The following PLD5 variants were observed in gnomAD, a reference collection of about 807,000 sequenced individuals.
PLD5 encodes inactive phospholipase D5.
PLD5 carries 36 observed loss-of-function variants against 61.1 expected under a neutral mutation model. The ratio of observed to expected loss-of-function variants is 0.59; its 90% CI spans 0.45 to 0.78. The LOEUF is 0.78. Ranked by LOEUF, PLD5 falls within the 30% of genes least tolerant of loss-of-function variation. PLD5 has a pLI of 0.00. For missense variants in PLD5, 515 were observed against 644.4 expected (o/e 0.80, Z 2.17); for synonymous variants, 243 against 242.8 (o/e 1.00, Z -0.01).
chr1:242,121,736 A>G (rs985009459), intron 6 of PLD5, among the ~76,000 whole-genome samples: 2 of 152,092 alleles, frequency 1.3e-5, no homozygotes, highest in East Asian at 1.9e-4. Flanking sequence ...TGTGACAGAT[A>G]TACACCACGG....
At chr1:242,364,523 C>T (rs1478572363) in intron 1 of PLD5, among the ~76,000 whole-genome samples, 1 of 151,982 alleles carries the variant, frequency 6.6e-6, no homozygotes, top group Non-Finnish European at 1.5e-5. Flanking sequence ...TCGAGACCAG[C>T]CTGGCCAACA....
At chr1:242,328,930 C>T (rs1658995161) in intron 2 of PLD5, among the ~76,000 whole-genome samples, 1 of 152,068 alleles carries the variant, frequency 6.6e-6, no homozygotes, top group Non-Finnish European at 1.5e-5. Context: ...CAAATAAAGC[C>T]CTCTCCTGGT....
intron 3 of PLD5, among the ~76,000 whole-genome samples, chr1:242,269,373 A>G (rs1673912784): frequency 6.6e-6 from 1 of 151,608 alleles, no homozygotes; most frequent in Non-Finnish European, 1.5e-5. Flanking sequence ...AGGAAGCTGT[A>G]CCCCCAAAAT....
At chr1:242,376,299 A>T (rs1661951175) in intron 1 of PLD5, among the ~76,000 whole-genome samples, 2 of 152,172 alleles carry the variant, frequency 1.3e-5, no homozygotes, top group Non-Finnish European at 1.5e-5. Context: ...GCAACCTGCA[A>T]GACTGCTTTA....
chr1:242,441,170 T>C (rs1666256925), intron 1 of PLD5, among the ~76,000 whole-genome samples: 1 of 152,210 alleles, frequency 6.6e-6, no homozygotes, highest in African/African-American at 2.4e-5. Flanking sequence ...GTGCTAGCCA[T>C]CAAGAGTATA....
intron 5 of PLD5, among the ~76,000 whole-genome samples, chr1:242,153,976 A>T (rs1217556038): frequency 6.6e-6 from 1 of 152,172 alleles, no homozygotes; most frequent in Non-Finnish European, 1.5e-5. Flanking sequence ...CTTCCTATCC[A>T]TGAGCATGGG....
At chr1:242,301,195 G>A (rs1386217320) in intron 2 of PLD5, among the ~76,000 whole-genome samples, 5 of 152,082 alleles carry the variant, frequency 3.3e-5, no homozygotes, top group Non-Finnish European at 5.9e-5. Flanking sequence ...AGCACTGGCT[G>A]TGCCTGGGTG....
Position 242,390,622 on chromosome 1 carries a change from G to C in PLD5, c.190-42380C>G, listed in dbSNP as rs139002799. On this transcript the variant is annotated intron_variant, in intron 1 of 9. Transcript: ENST00000536534. ...AGAGATGATGTGTGCACAGCTGAGG[G>C]CTAAAGCAACAGAATAAAAATATCT... is the stretch of plus-strand genomic sequence containing the variant. Among the ~76,000 whole-genome samples, 86 of 152,212 alleles carry C rather than the reference G, an allele frequency of 5.7e-4. 1 individual carries two copies. In the East Asian group the frequency reaches 0.015, roughly 27 times the overall value.
chr1:242,385,950 T>C (rs1265312009), intron 1 of PLD5, among the ~76,000 whole-genome samples: 5 of 152,152 alleles, frequency 3.3e-5, no homozygotes, highest in Admixed American at 3.3e-4. Context: ...GTCTCCTGGT[T>C]CTGGAATGCA....
chr1:242,444,838 ACTCAT>A, intron 1 of PLD5, among the ~76,000 whole-genome samples: 1 of 150,646 alleles, frequency 6.6e-6, no homozygotes, highest in South Asian at 2.1e-4. Flanking sequence ...AGGCCATAGG[ACTCAT>A]CTCATACAGT....
intron 1 of PLD5, among the ~76,000 whole-genome samples, chr1:242,430,598 C>G (rs1433993363): frequency 6.6e-6 from 1 of 152,292 alleles, no homozygotes; most frequent in African/African-American, 2.4e-5. Flanking sequence ...ACCCCTTACT[C>G]CTACTCCTAG....
chr1:242,431,282 G>A (rs2102888995), intron 1 of PLD5, among the ~76,000 whole-genome samples: 1 of 152,296 alleles, frequency 6.6e-6, no homozygotes, highest in South Asian at 2.1e-4. Flanking sequence ...CATAAAATAA[G>A]CCTGGGTCAA....
At chr1:242,358,551 C>A (rs1439048013) in intron 1 of PLD5, among the ~76,000 whole-genome samples, 2 of 151,548 alleles carry the variant, frequency 1.3e-5, no homozygotes, top group Non-Finnish European at 2.9e-5. Flanking sequence ...TGCTATCCAG[C>A]AAGACCACCA....
intron 2 of PLD5, among the ~76,000 whole-genome samples, chr1:242,294,723 G>A (rs1460410474): frequency 3.3e-5 from 5 of 152,164 alleles, no homozygotes; most frequent in Non-Finnish European, 5.9e-5. Context: ...TCAGTGACAC[G>A]CTGTGCTCAT....
chr1:242,342,395 T>C (rs1260100090), intron 2 of PLD5, among the ~76,000 whole-genome samples: 1 of 152,224 alleles, frequency 6.6e-6, no homozygotes, highest in East Asian at 1.9e-4. Flanking sequence ...GAGCAGCACC[T>C]GGAGCTCAGC....
chr1:242,302,228 G>A (rs4658803), intron 2 of PLD5, among the ~76,000 whole-genome samples: 132,316 of 152,220 alleles, frequency 0.87, 57,902 homozygotes, highest in East Asian at 0.95. Flanking sequence ...TAGGTGTGTA[G>A]TAGGCTATGC....
chr1:242,410,730 A>G (rs1175620737), intron 1 of PLD5, among the ~76,000 whole-genome samples: 1 of 152,070 alleles, frequency 6.6e-6, no homozygotes, highest in Non-Finnish European at 1.5e-5. Flanking sequence ...AGTTATTTAT[A>G]TCCTACTGCT....
At chr1:242,130,571 G>GTATA (rs1663158872) in intron 5 of PLD5, among the ~76,000 whole-genome samples, 1 of 152,192 alleles carries the variant, frequency 6.6e-6, no homozygotes, top group South Asian at 2.1e-4. Context: ...CACCAACAGT[G>GTATA]TATAAGGATT....
At chr1:242,404,105 G>A (rs562378181) in intron 1 of PLD5, among the ~76,000 whole-genome samples, 1 of 152,214 alleles carries the variant, frequency 6.6e-6, no homozygotes, top group East Asian at 1.9e-4. Flanking sequence ...CTGCCCACAT[G>A]GAGCTCACTG....
Sources: gnomAD v4.1 joint callset for allele counts (sites outside exome capture counted in the v4.1 genomes callset) on GRCh38, gnomAD v4.1.1 for gene constraint, MANE v1.5 for transcripts, NCBI Gene and HGNC (gene_info 2026-07-23, HGNC 2026-07-21) for gene names.